SRGAP3: variants seen among roughly 807,000 people sequenced by gnomAD.
SRGAP3 encodes SLIT-ROBO Rho GTPase-activating protein 3.
Under a neutral mutation model 121.1 loss-of-function variants are expected in SRGAP3, and 39 were observed. The observed-to-expected ratio is 0.32, with a 90% CI of 0.25 to 0.42. The LOEUF (loss-of-function observed/expected upper bound fraction) is 0.42, where lower values mean the gene tolerates loss of function less well. SRGAP3 is among the 10% of genes least tolerant of loss of function. The pLI, the probability that SRGAP3 is intolerant of heterozygous loss-of-function variation, is 1.00. For synonymous variants in SRGAP3, 601 were observed against 570.0 expected (o/e 1.05, Z -0.77); for missense variants, 1,213 against 1,470.6 (o/e 0.82, Z 2.86).
chr3:9,130,097 A>G (rs942397543), intron 1 of SRGAP3, among the ~76,000 whole-genome samples: 1 of 152,090 alleles, frequency 6.6e-6, no homozygotes, highest in South Asian at 2.1e-4. Flanking sequence ...TTTACCAAGT[A>G]CATTAAGTGT....
chr3:9,344,052 T>C (rs952484139), intron 1 of SRGAP3, among the ~76,000 whole-genome samples: 1 of 152,136 alleles, frequency 6.6e-6, no homozygotes, highest in African/African-American at 2.4e-5. Flanking sequence ...GGGCACGGTG[T>C]CTCACACCTG....
At chr3:9,338,353 C>T (rs1176057832) in intron 1 of SRGAP3, among the ~76,000 whole-genome samples, 1 of 152,064 alleles carries the variant, frequency 6.6e-6, no homozygotes, top group East Asian at 1.9e-4. Context: ...GGTTCAGGGG[C>T]AAAATGTGAT....
rs1346460534 is a variant in SRGAP3, at chr3:9,058,398, C to T, written c.876G>A (p.Glu292=). The T allele has an allele frequency of 6.2e-7, 1 of 1,614,216 alleles. No individual in the cohort carries two copies. The highest frequency in any genetic ancestry group is 8.5e-7 in the Non-Finnish European group (1 of 1,180,042). The change falls in exon 7 of 22, where the codon GAG becomes GAA. Residue 292 remains glutamate (E), a synonymous_variant. Coordinates refer to ENST00000383836, the MANE Select transcript of SRGAP3 (RefSeq NM_014850.4). ...RTYLSAEYNL[E]TSRHEGLDVI... is the part of the protein sequence containing the mutation. ...CATCCAGCCCTTCGTGGCGAGAGGTCTCCAGGTTGTATTCAGCTGAGAGAT... is the reference window on the plus strand; with the variant it reads ...CATCCAGCCCTTCGTGGCGAGAGGTTTCCAGGTTGTATTCAGCTGAGAGAT...
At chr3:9,073,962 C>T (rs922184516) in intron 4 of SRGAP3, among the ~76,000 whole-genome samples, 1 of 152,206 alleles carries the variant, frequency 6.6e-6, no homozygotes, top group South Asian at 2.1e-4. Flanking sequence ...AGTCAGGAGA[C>T]ATGCTTCTTC....
intron 1 of SRGAP3, among the ~76,000 whole-genome samples, chr3:9,181,298 T>C (rs530638729): frequency 2.6e-5 from 4 of 152,278 alleles, no homozygotes; most frequent in South Asian, 2.1e-4. Flanking sequence ...GTTTAAGGCA[T>C]TGAAGGGCCA....
chr3:9,050,972 G>A (rs188868728), intron 9 of SRGAP3, among the ~76,000 whole-genome samples: 1 of 143,020 alleles, frequency 7.0e-6, no homozygotes, highest in Non-Finnish European at 1.5e-5. Context: ...GGGTGGGTTT[G>A]TGATGGGTTA....
At chr3:9,092,596 T>G (rs377266605) in intron 3 of SRGAP3, among the ~76,000 whole-genome samples, 1 of 152,214 alleles carries the variant, frequency 6.6e-6, no homozygotes, top group African/African-American at 2.4e-5. Context: ...TGTGATATTC[T>G]CAACCAAGCT....
chr3:9,073,578 G>A (rs904484321), intron 4 of SRGAP3, among the ~76,000 whole-genome samples: 2 of 152,156 alleles, frequency 1.3e-5, no homozygotes, highest in African/African-American at 4.8e-5. Flanking sequence ...TGGCCACCTG[G>A]GCTCTCTGTG....
intron 1 of SRGAP3, among the ~76,000 whole-genome samples, chr3:9,175,116 GGTTT>G (rs1188589196): frequency 1.1e-4 from 17 of 152,144 alleles, no homozygotes; most frequent in Admixed American, 9.8e-4. Context: ...GGCTGACAAT[GGTTT>G]GTTTGTCAGC....
At chr3:9,012,031 A>T (rs1943404871) in intron 17 of SRGAP3, among the ~76,000 whole-genome samples, 1 of 152,192 alleles carries the variant, frequency 6.6e-6, no homozygotes, top group Non-Finnish European at 1.5e-5. Context: ...TTTGTCCAGA[A>T]ATTATGCTTG....
At chr3:9,004,692 C>G (rs559318923) in intron 18 of SRGAP3, among the ~76,000 whole-genome samples, 1 of 152,152 alleles carries the variant, frequency 6.6e-6, no homozygotes, top group South Asian at 2.1e-4. Flanking sequence ...TTTTGTTCAA[C>G]TAATCGTGCT....
intron 2 of SRGAP3, among the ~76,000 whole-genome samples, chr3:9,108,402 G>A (rs1948494407): frequency 6.6e-6 from 1 of 152,168 alleles, no homozygotes; most frequent in African/African-American, 2.4e-5. Context: ...AGGATCACTT[G>A]AGTCCAGGAG....
intron 18 of SRGAP3, among the ~76,000 whole-genome samples, chr3:9,004,991 A>G (rs1574887839): frequency 6.6e-6 from 1 of 152,368 alleles, no homozygotes; most frequent in African/African-American, 2.4e-5. Context: ...ACAGAATGGG[A>G]GAAAATATTT....
chr3:9,123,011 G>T (rs1261795828), intron 2 of SRGAP3, among the ~76,000 whole-genome samples: 1 of 152,158 alleles, frequency 6.6e-6, no homozygotes, highest in Non-Finnish European at 1.5e-5. Context: ...GAAAAAGGAA[G>T]AACATTCTGA....
rs536519530 is a variant in SRGAP3 at position 8,996,050 on chromosome 3, A to G, written c.2228-1527T>C. 2.0e-5 allele frequency among the ~76,000 whole-genome samples: 3 copies of G among 152,248 alleles called. No homozygotes were observed. In the South Asian group the frequency reaches 6.2e-4, roughly 32 times the overall value. Reference sequence around the variant, plus strand: ...TAAGCTCAGAACATTTGGCTTTACCATTTTTTAGTTGTGTGACCTTGGGAT... The same window carrying G: ...TAAGCTCAGAACATTTGGCTTTACCGTTTTTTAGTTGTGTGACCTTGGGAT... On this transcript the variant is annotated intron_variant, in intron 18 of 21. Coordinates refer to ENST00000383836, the MANE Select transcript of SRGAP3 (RefSeq NM_014850.4).
intron 4 of SRGAP3, among the ~76,000 whole-genome samples, chr3:9,075,390 T>TGTGTGTGC (rs1454621766): frequency 6.7e-6 from 1 of 148,486 alleles, no homozygotes; most frequent in Admixed American, 6.6e-5. Flanking sequence ...TGTGTGTGTG[T>TGTGTGTGC]GCGCGCGCAC....
chr3:9,065,582 G>A (rs150350705), intron 4 of SRGAP3: 34 of 152,236 alleles, frequency 2.2e-4, no homozygotes, highest in African/African-American at 3.9e-4. Context: ...CAGTTCCATG[G>A]AATCATACAA....
Position 9,271,171 on chromosome 3 carries a change from T to C in SRGAP3, n.442+54839A>G, listed in dbSNP as rs1176943937. 3.3e-5 allele frequency among the ~76,000 whole-genome samples: 5 copies of C among 152,222 alleles called. No individual in the cohort carries two copies. In the East Asian group the frequency reaches 7.7e-4, roughly 24 times the overall value. On this transcript the variant is annotated intron_variant and non_coding_transcript_variant, in intron 3 of 3. Transcript: ENST00000490889. ...AACATGGCAAAACCCCGTTTCTACC[T>C]GAAAGTACAAAACTTAGCCAGGCCT...
intron 11 of SRGAP3, chr3:9,037,257 T>C (rs1272979821): frequency 6.6e-6 from 1 of 152,222 alleles, no homozygotes; most frequent in African/African-American, 2.4e-5. Flanking sequence ...TCTGGGCCAC[T>C]GGCTGAATTC....
Sources: gnomAD v4.1 joint callset for allele counts (sites outside exome capture counted in the v4.1 genomes callset) on GRCh38, gnomAD v4.1.1 for gene constraint, MANE v1.5 for transcripts, NCBI Gene and HGNC (gene_info 2026-07-23, HGNC 2026-07-21) for gene names.